Variants in HVCN1 observed in about 807,000 individuals in gnomAD.
HVCN1 encodes the protein hydrogen voltage gated channel 1.
In HVCN1, 14 loss-of-function variants were observed where a neutral mutation model predicts 29.2. That is an observed-to-expected ratio of 0.48 (90% CI 0.32 to 0.75). The LOEUF (loss-of-function observed/expected upper bound fraction) is 0.75. Ranked by LOEUF, HVCN1 falls within the 30% of genes least tolerant of loss-of-function variation. The pLI is 0.04. For synonymous variants in HVCN1, 131 were observed against 133.2 expected (o/e 0.98, Z 0.11); for missense variants, 263 against 341.8 (o/e 0.77, Z 1.82).
chr12:110,687,394 C>A (rs962379499), intron 2 of HVCN1, among the ~76,000 whole-genome samples: 1 of 152,074 alleles, frequency 6.6e-6, no homozygotes, highest in African/African-American at 2.4e-5. Context: ...GGGAGTATGT[C>A]ACAGATTGCA....
chr12:110,679,079 A>C (rs1477840673), intron 3 of HVCN1, among the ~76,000 whole-genome samples: 1 of 152,224 alleles, frequency 6.6e-6, no homozygotes, highest in Non-Finnish European at 1.5e-5. Context: ...GAGCTCAGCT[A>C]TCCCTCTTTC....
intron 3 of HVCN1, among the ~76,000 whole-genome samples, chr12:110,675,171 A>G (rs2068705562): frequency 6.6e-6 from 1 of 152,250 alleles, no homozygotes; most frequent in South Asian, 2.1e-4. Context: ...TAAAAAACAA[A>G]CATAAAGCTG....
chr12:110,685,382 C>G (rs943885215), intron 2 of HVCN1, among the ~76,000 whole-genome samples: 1 of 152,194 alleles, frequency 6.6e-6, no homozygotes, highest in African/African-American at 2.4e-5. Flanking sequence ...TACCTTGACT[C>G]GAGCCCACTG....
intron 3 of HVCN1, among the ~76,000 whole-genome samples, chr12:110,675,120 TTTTAA>T (rs1228179871): frequency 6.6e-6 from 1 of 152,270 alleles, no homozygotes; most frequent in African/African-American, 2.4e-5. Context: ...CTGTTTGCTG[TTTTAA>T]TTTATTATGC....
intron 3 of HVCN1, among the ~76,000 whole-genome samples, chr12:110,670,045 G>A (rs1358253602): frequency 6.6e-6 from 1 of 152,034 alleles, no homozygotes; most frequent in African/African-American, 2.4e-5. Context: ...AAAAGAAATG[G>A]TTAATAAATG....
intron 3 of HVCN1, among the ~76,000 whole-genome samples, chr12:110,663,341 A>G (rs1469028021): frequency 1.3e-5 from 2 of 152,050 alleles, no homozygotes; most frequent in African/African-American, 4.8e-5. Context: ...GGCAGCTCAC[A>G]CCTGTAATCC....
At chr12:110,687,573 C>A (rs945214956) in intron 2 of HVCN1, among the ~76,000 whole-genome samples, 3 of 151,774 alleles carry the variant, frequency 2.0e-5, no homozygotes, top group South Asian at 4.2e-4. Context: ...GCTTGGCAGG[C>A]GATGCTGGGG....
chr12:110,666,418 G>A (rs532617543), intron 3 of HVCN1, among the ~76,000 whole-genome samples: 5 of 149,468 alleles, frequency 3.3e-5, no homozygotes, highest in East Asian at 2.0e-4. Flanking sequence ...GTGAGACTCC[G>A]CCTAAAAAGA....
chr12:110,683,045 G>A (rs886504086), intron 3 of HVCN1, 180 bp downstream of exon 3: 1 of 750,014 alleles, frequency 1.3e-6, no homozygotes. Flanking sequence ...TGGAATATCA[G>A]GCTACTTGGA....
In HVCN1 at chr12:110,661,029, A is replaced by T; in HGVS notation, c.306+135T>A. 1 of 819,614 alleles carries T rather than the reference A, an allele frequency of 1.2e-6. No homozygotes were observed. Among genetic ancestry groups the T allele is most frequent in the Non-Finnish European group, 2.0e-6 (1 of 501,534 alleles). The allele number at this position is 819,614 out of a possible 1,614,324, so 50.8% of individuals were successfully genotyped here. The stretch of plus-strand genomic sequence containing the variant: ...CCCAGCACGGTACAGGGTCCCCGGC[A>T]CGTGGTAGGTGCTGGGCAAACACTC... On this transcript the variant is annotated intron_variant, in intron 4 of 7. Transcript: ENST00000242607. The surrounding 1 kb of genome is among the most constrained non-coding windows in gnomAD (Gnocchi z 6.2).
At chr12:110,677,908 G>C (rs2068800866) in intron 3 of HVCN1, among the ~76,000 whole-genome samples, 2 of 152,156 alleles carry the variant, frequency 1.3e-5, no homozygotes, top group South Asian at 2.1e-4. Context: ...GAACCCTCCT[G>C]CCTGATAGAT....
At chr12:110,665,115 C>T (rs2068299720) in intron 3 of HVCN1, among the ~76,000 whole-genome samples, 1 of 152,146 alleles carries the variant, frequency 6.6e-6, no homozygotes, top group Non-Finnish European at 1.5e-5. Flanking sequence ...AAATTTACTG[C>T]CTGTTGGAAC....
intron 3 of HVCN1, among the ~76,000 whole-genome samples, chr12:110,670,326 A>G (rs1220605537): frequency 2.6e-5 from 4 of 151,898 alleles, no homozygotes; most frequent in Admixed American, 2.6e-4. Context: ...CCAACTCCCA[A>G]CTCCCATGGC....
chr12:110,683,428 T>C (rs1049678239), intron 2 of HVCN1, among the ~76,000 whole-genome samples, 164 bp from the exon 3 acceptor site: 1 of 152,224 alleles, frequency 6.6e-6, no homozygotes, highest in Admixed American at 6.5e-5. Flanking sequence ...GCATACATCC[T>C]GGATATAGAG....
At chr12:110,682,011 G>C (rs1419263935) in intron 3 of HVCN1, among the ~76,000 whole-genome samples, 1 of 152,010 alleles carries the variant, frequency 6.6e-6, no homozygotes, top group African/African-American at 2.4e-5. Flanking sequence ...TTTGGAGACG[G>C]AGTTTTGCTC....
chr12:110,696,929 T>G (rs1299593890), intron 2 of HVCN1, among the ~76,000 whole-genome samples: 1 of 151,770 alleles, frequency 6.6e-6, no homozygotes, highest in Admixed American at 6.6e-5. Flanking sequence ...AGAGGAGAGA[T>G]AAGGATGGCT....
intron 2 of HVCN1, 153 bp from the exon 3 acceptor site, chr12:110,683,417 G>A: frequency 2.4e-6 from 2 of 830,248 alleles, no homozygotes; most frequent in Non-Finnish European, 3.5e-6. Flanking sequence ...TATGTAGGAG[G>A]GCATACATCC....
At chr12:110,694,342 A>G (rs533262729), upstream of HVCN1, among the ~76,000 whole-genome samples, 3 of 152,324 alleles carry the variant, frequency 2.0e-5, no homozygotes, top group African/African-American at 7.2e-5. The surrounding 1 kb of genome is among the most constrained non-coding windows in gnomAD (Gnocchi z 4.6). Context: ...GATTCTAGGC[A>G]TGAGCCACCG....
At chr12:110,678,171 C>T (rs1207545869) in intron 3 of HVCN1, among the ~76,000 whole-genome samples, 3 of 152,180 alleles carry the variant, frequency 2.0e-5, no homozygotes, top group South Asian at 2.1e-4. Context: ...ACACAGCCAG[C>T]GAGAAGCAAG....
Sources: allele counts gnomAD v4.1 joint callset (sites outside exome capture counted in the v4.1 genomes callset), GRCh38; gene constraint gnomAD v4.1.1; non-coding constraint Gnocchi (gnomAD v3.1); transcripts MANE v1.5; gene names NCBI Gene and HGNC (gene_info 2026-07-23, HGNC 2026-07-21).